ARHGAP35: variants seen among roughly 807,000 people sequenced by gnomAD.
ARHGAP35 encodes rho GTPase-activating protein 35.
In ARHGAP35, 15 loss-of-function variants were observed where a neutral mutation model predicts 111.1. The observed-to-expected ratio is 0.13, with a 90% confidence interval of 0.09 to 0.21. The LOEUF (loss-of-function observed/expected upper bound fraction) is 0.21, where lower values mean the gene tolerates loss of function less well. Among genes scored for constraint, ARHGAP35 ranks in the 10% least tolerant of loss-of-function variants. ARHGAP35 has a pLI of 1.00. For synonymous variants in ARHGAP35, 643 were observed against 710.3 expected (o/e 0.91, Z 1.51); for missense variants, 1,262 against 1,873.0 (o/e 0.67, Z 6.02).
chr19:46,893,580 C>T (rs2056037170), intron 1 of ARHGAP35, among the ~76,000 whole-genome samples: 1 of 152,038 alleles, frequency 6.6e-6, no homozygotes, highest in African/African-American at 2.4e-5. Context: ...TTATAAAACA[C>T]ACTTACCTTG....
intron 2 of ARHGAP35, among the ~76,000 whole-genome samples, chr19:46,928,543 C>G (rs971303555): frequency 6.6e-6 from 1 of 151,922 alleles, no homozygotes; most frequent in African/African-American, 2.4e-5. Flanking sequence ...AGTGGGCCCT[C>G]CTCGCTGTTT....
At position 46,865,745 on chromosome 19, in the gene ARHGAP35, G is replaced by C. The variant is rs2055852084; in HGVS notation, c.-189+4536G>C. 3.3e-5 allele frequency among the ~76,000 whole-genome samples: 5 copies of C among 152,342 alleles called. No homozygotes were observed. In the South Asian group the frequency reaches 1.0e-3, roughly 32 times the overall value. ...CAACTTTGGTCCACTGTGGTCTCCTGAGAGGTGTTAGGCCGCTTGCAGCGT... is the reference window on the plus strand; with the variant it reads ...CAACTTTGGTCCACTGTGGTCTCCTCAGAGGTGTTAGGCCGCTTGCAGCGT... On this transcript the variant is annotated intron_variant, in intron 1 of 6. Coordinates refer to ENST00000672722, the MANE Select transcript of ARHGAP35 (RefSeq NM_004491.5).
intron 1 of ARHGAP35, among the ~76,000 whole-genome samples, chr19:46,879,593 A>AATAAATAAATAG (rs2055947428): frequency 6.8e-6 from 1 of 147,218 alleles, no homozygotes; most frequent in Non-Finnish European, 1.5e-5. Context: ...TCTCAAAATA[A>AATAAATAAATAG]ATAAATAAAT....
intron 2 of ARHGAP35, among the ~76,000 whole-genome samples, chr19:46,936,138 A>G (rs1258708917): frequency 1.3e-5 from 2 of 152,152 alleles, no homozygotes; most frequent in Non-Finnish European, 2.9e-5. Context: ...CAGCTTTGGG[A>G]TGCTGAGGTA....
At chr19:46,996,934 G>A (rs539634579) in intron 5 of ARHGAP35, among the ~76,000 whole-genome samples, 227 of 152,320 alleles carry the variant, frequency 1.5e-3, no homozygotes, top group African/African-American at 5.3e-3. Flanking sequence ...GAGGCGGGTG[G>A]ATCACCTGAG....
chr19:46,907,617 T>C (rs2122176973), intron 1 of ARHGAP35, among the ~76,000 whole-genome samples: 1 of 151,842 alleles, frequency 6.6e-6, no homozygotes, highest in East Asian at 1.9e-4. Flanking sequence ...TAGCTGGGAC[T>C]ACAGGCGCCC....
intron 1 of ARHGAP35, among the ~76,000 whole-genome samples, chr19:46,914,418 C>T (rs540556604): frequency 1.3e-5 from 2 of 151,988 alleles, no homozygotes; most frequent in African/African-American, 4.8e-5. Context: ...TGAGACCAGC[C>T]TGGGCAACAT....
intron 3 of ARHGAP35, among the ~76,000 whole-genome samples, chr19:46,987,608 T>G (rs151294721): frequency 6.6e-5 from 10 of 152,290 alleles, no homozygotes; most frequent in Non-Finnish European, 1.2e-4. Context: ...TTGAAGTGAT[T>G]AAAATAAATT....
At chr19:46,902,178 C>G (rs2056085998) in intron 1 of ARHGAP35, among the ~76,000 whole-genome samples, 1 of 152,024 alleles carries the variant, frequency 6.6e-6, no homozygotes, top group African/African-American at 2.4e-5. Flanking sequence ...AGTTGAGTAG[C>G]CTGTGATAGG....
At chr19:46,942,465 C>T (rs1426535371) in intron 3 of ARHGAP35, among the ~76,000 whole-genome samples, 1 of 152,000 alleles carries the variant, frequency 6.6e-6, no homozygotes, top group East Asian at 1.9e-4. Context: ...AAACCCCATC[C>T]ATCTCTACTA....
At position 46,999,393 on chromosome 19, in the gene ARHGAP35, A is replaced by G. The variant is rs2056733701; in HGVS notation, c.4126A>G (p.Ile1376Val). Residue 1376 changes from isoleucine to valine, a missense_variant, in exon 6 of 7, where the codon ATC becomes GTC. By Grantham distance (29) the Ile-to-Val change is conservative (BLOSUM62 3). This residue lies in a region of ARHGAP35 where 50 missense variants were observed against 60.5 expected (regional missense o/e 0.83). Transcript: ENST00000672722. This position sits in a 1 kb window ranked among gnomAD's most constrained non-coding sequence, Gnocchi z 5.4. ...AAACCACGAAGTCTTCAAGTATGTCATCTCTCACCTAAACAAGTAAGTCGC... is the reference window on the plus strand; with the variant it reads ...AAACCACGAAGTCTTCAAGTATGTCGTCTCTCACCTAAACAAGTAAGTCGC... ...KENHEVFKYV[I>V]SHLNKVSHNN... 6.3e-7 allele frequency: 1 copy of G among 1,584,878 alleles called. No homozygotes were observed.
At position 46,992,265 on chromosome 19, in the gene ARHGAP35, C is replaced by T. The variant is rs370691169; in HGVS notation, c.4036+2590C>T. On this transcript the variant is annotated intron_variant, in intron 5 of 6. Coordinates refer to ENST00000672722, the MANE Select transcript of ARHGAP35 (RefSeq NM_004491.5). This position sits in a 1 kb window ranked among gnomAD's most constrained non-coding sequence, Gnocchi z 4.4. ...AGGAAACAGCTTCTCAGAGGTGATA[C>T]AGCCTGCCCAGGGTCACACCGCTAG... Among the ~76,000 whole-genome samples, 11 of 152,298 alleles carry T rather than the reference C, an allele frequency of 7.2e-5. No homozygotes were observed. Among genetic ancestry groups the T allele is most frequent in the African/African-American group, 1.7e-4 (7 of 41,566 alleles).
chr19:46,895,185 A>T, intron 1 of ARHGAP35, among the ~76,000 whole-genome samples: 1 of 147,176 alleles, frequency 6.8e-6, no homozygotes. Context: ...TTTTTTTGAG[A>T]CGGAGTCTCG....
intron 2 of ARHGAP35, among the ~76,000 whole-genome samples, chr19:46,923,932 A>AT (rs1402835737): frequency 5.3e-5 from 8 of 151,558 alleles, no homozygotes; most frequent in Admixed American, 2.0e-4. Flanking sequence ...AAAAAAAAAA[A>AT]GGAAAAAGGA....
In ARHGAP35 at chr19:47,000,739, G is replaced by A; in HGVS notation, c.*51G>A. 1 of 1,525,280 alleles carries A rather than the reference G, an allele frequency of 6.6e-7. No homozygotes were observed. The highest frequency in any genetic ancestry group is 8.8e-7 in the Non-Finnish European group (1 of 1,133,114). The allele number at this position is 1,525,280 out of a possible 1,614,324, so 94.5% of individuals were successfully genotyped here. On this transcript the variant is annotated 3_prime_UTR_variant, in exon 7 of 7. Transcript: ENST00000672722. The surrounding 1 kb of genome is among the most constrained non-coding windows in gnomAD (Gnocchi z 6.9). ...GAACCGGTCCTCTCTCTGACGGGGTGGCATTTGGCCTTGAACAAAACCAAG... is the reference window on the plus strand; with the variant it reads ...GAACCGGTCCTCTCTCTGACGGGGTAGCATTTGGCCTTGAACAAAACCAAG...
chr19:46,982,809 C>T (rs2056627817), intron 3 of ARHGAP35, among the ~76,000 whole-genome samples: 1 of 151,690 alleles, frequency 6.6e-6, no homozygotes, highest in Non-Finnish European at 1.5e-5. Flanking sequence ...TTTTGGGAGG[C>T]AATGGCAAGA....
In ARHGAP35 at chr19:46,918,628, C is replaced by T. The variant is rs772453914; in HGVS notation, c.-48C>T. ...AGGAAGCTGTCTGGTCCATTGGAAA[C>T]ACTAATCTGATCTCAGAAGTGGCTG... On this transcript the variant is annotated 5_prime_UTR_variant, in exon 2 of 7. Coordinates refer to ENST00000672722, the MANE Select transcript of ARHGAP35 (RefSeq NM_004491.5). This position sits in a 1 kb window ranked among gnomAD's most constrained non-coding sequence, Gnocchi z 5.4. 3.1e-5 allele frequency: 49 copies of T among 1,566,166 alleles called. No individual in the cohort carries two copies. The Middle Eastern group carries it at 2.9e-3, about 92-fold the overall frequency.
At chr19:46,964,597 CA>C (rs1367888907) in intron 3 of ARHGAP35, among the ~76,000 whole-genome samples, 1 of 152,152 alleles carries the variant, frequency 6.6e-6, no homozygotes, top group Non-Finnish European at 1.5e-5. Flanking sequence ...CTCCATAAGC[CA>C]ATCTCCCATT....
rs2122202644 is a variant in ARHGAP35 at position 46,922,888 on chromosome 19, CTG to C, written c.3681+533_3681+534del. Among the ~76,000 whole-genome samples, 1 of 152,314 alleles carries C rather than the reference CTG, an allele frequency of 6.6e-6. No homozygotes were observed. Among genetic ancestry groups the C allele is most frequent in the African/African-American group, 2.4e-5 (1 of 41,570 alleles). ...TAAATGAAAAAAGAGAATCTTGCCA[CTG>C]AGAGTTATAAACCTGTCCCGTATTT... On this transcript the variant is annotated intron_variant, in intron 2 of 6. Coordinates refer to ENST00000672722, the MANE Select transcript of ARHGAP35 (RefSeq NM_004491.5). The surrounding 1 kb of genome is among the most constrained non-coding windows in gnomAD (Gnocchi z 4.0).
Sources: gnomAD v4.1 joint callset for allele counts (sites outside exome capture counted in the v4.1 genomes callset) on GRCh38, gnomAD v4.1.1 for gene constraint, gnomAD v4.1.1 regional missense constraint, Gnocchi (gnomAD v3.1) non-coding constraint, MANE v1.5 for transcripts, NCBI Gene and HGNC (gene_info 2026-07-23, HGNC 2026-07-21) for gene names.